The following ASPRV1 variants were observed in gnomAD, a reference collection of about 807,000 sequenced individuals.
The protein encoded by ASPRV1 is retroviral-like aspartic protease 1.
A neutral mutation model predicts 11.0 loss-of-function variants in ASPRV1; 7 were observed. The ratio of observed to expected loss-of-function variants is 0.64; its 90% confidence interval spans 0.36 to 1.20. ASPRV1 has a LOEUF of 1.20. Ranked by LOEUF, ASPRV1 falls within the 50% of genes most tolerant of loss-of-function variation. The pLI is 0.02. For synonymous variants in ASPRV1, 136 were observed against 138.4 expected (o/e 0.98, Z 0.12); for missense variants, 299 against 320.0 (o/e 0.93, Z 0.50).
At chr2:70,086,297 G>C in the ASPRV1 span, 8 of 152,198 alleles carry the variant, frequency 5.3e-5, no homozygotes, top group African/African-American at 1.7e-4. Context: ...GCCGCCCCAA[G>C]GGTAAGGAAC....
the ASPRV1 span, among the ~76,000 whole-genome samples, chr2:70,026,571 A>G: frequency 6.6e-6 from 1 of 152,042 alleles, no homozygotes; most frequent in Non-Finnish European, 1.5e-5. Flanking sequence ...AGAATCACAA[A>G]ACAAAATCAA....
At chr2:70,083,229 A>T in the ASPRV1 span, among the ~76,000 whole-genome samples, 1 of 152,224 alleles carries the variant, frequency 6.6e-6, no homozygotes, top group East Asian at 1.9e-4. Flanking sequence ...GGAAAGGTGT[A>T]ATCCATAACT....
chr2:69,987,110 C>T, the ASPRV1 span, among the ~76,000 whole-genome samples: 2 of 152,036 alleles, frequency 1.3e-5, no homozygotes, highest in East Asian at 3.9e-4. Flanking sequence ...ACAGCCGGAA[C>T]GAAGATGCAG....
the ASPRV1 span, among the ~76,000 whole-genome samples, chr2:70,061,098 T>A: frequency 6.6e-6 from 1 of 151,174 alleles, no homozygotes; most frequent in Admixed American, 6.6e-5. Flanking sequence ...TACTTGACAA[T>A]TAAAGGCAAA....
chr2:70,086,691 G>A, the ASPRV1 span, among the ~76,000 whole-genome samples: 1 of 152,256 alleles, frequency 6.6e-6, no homozygotes, highest in Non-Finnish European at 1.5e-5. Flanking sequence ...AAAGGGTGCC[G>A]CGGTGGAAAC....
chr2:70,032,972 C>A, the ASPRV1 span, among the ~76,000 whole-genome samples: 1 of 152,152 alleles, frequency 6.6e-6, no homozygotes, highest in African/African-American at 2.4e-5. Context: ...CTGTTAAACA[C>A]TGTATGAGTT....
chr2:69,945,008 G>A, the ASPRV1 span, among the ~76,000 whole-genome samples: 7 of 152,026 alleles, frequency 4.6e-5, no homozygotes, highest in African/African-American at 1.2e-4. Context: ...TCACCTCTTC[G>A]ATGTCACTAT....
At chr2:70,047,123 T>C in the ASPRV1 span, among the ~76,000 whole-genome samples, 3 of 152,192 alleles carry the variant, frequency 2.0e-5, no homozygotes, top group Admixed American at 1.3e-4. Context: ...CTTGAGGTGT[T>C]AGTAAGCATC....
the ASPRV1 span, among the ~76,000 whole-genome samples, chr2:70,066,755 C>A: frequency 5.9e-5 from 9 of 151,978 alleles, no homozygotes; most frequent in Non-Finnish European, 8.8e-5. Flanking sequence ...TCACCAGCAC[C>A]ACACTTGGCT....
the ASPRV1 span, chr2:70,000,708 GAGCC>G: frequency 7.1e-6 from 1 of 140,364 alleles, no homozygotes; most frequent in African/African-American, 2.7e-5. Context: ...GGGATCACCT[GAGCC>G]CAGGAGGTTG....
chr2:70,076,633 A>C, the ASPRV1 span, among the ~76,000 whole-genome samples: 1 of 152,232 alleles, frequency 6.6e-6, no homozygotes, highest in African/African-American at 2.4e-5. Flanking sequence ...TTAGCCTACC[A>C]AACATCATAG....
At chr2:70,044,265 G>A in the ASPRV1 span, among the ~76,000 whole-genome samples, 1 of 152,102 alleles carries the variant, frequency 6.6e-6, no homozygotes, top group South Asian at 2.1e-4. Context: ...AACAGCTAGG[G>A]CAAGTTTTTG....
At chr2:70,054,301 A>ATAAATAAATAAATAAATAAT in the ASPRV1 span, 12 of 128,184 alleles carry the variant, frequency 9.4e-5, no homozygotes, top group East Asian at 4.8e-4. Flanking sequence ...CAAAAAATAA[A>ATAAATAAATAAATAAATAAT]AAATAGGTGG....
the ASPRV1 span, among the ~76,000 whole-genome samples, chr2:70,079,271 G>A: frequency 0.024 from 3,692 of 151,784 alleles, 344 homozygotes; most frequent in Admixed American, 0.17. Flanking sequence ...AGTCTTGATC[G>A]AATCCAGCCT....
chr2:70,057,587 T>C, the ASPRV1 span, among the ~76,000 whole-genome samples: 1 of 151,968 alleles, frequency 6.6e-6, no homozygotes, highest in African/African-American at 2.4e-5. Context: ...CCAGCAATTC[T>C]CTTGCTTCAG....
the ASPRV1 span, among the ~76,000 whole-genome samples, chr2:70,062,247 G>A: frequency 2.6e-5 from 4 of 152,090 alleles, no homozygotes; most frequent in Non-Finnish European, 4.4e-5. Context: ...AGAGATTGCA[G>A]TGAGCCAAGA....
the ASPRV1 span, among the ~76,000 whole-genome samples, chr2:69,944,048 G>T: frequency 6.6e-6 from 1 of 152,142 alleles, no homozygotes; most frequent in Admixed American, 6.5e-5. Context: ...AAAGAGTAGG[G>T]GTGGCAGCTG....
At chr2:69,953,978 A>G in the ASPRV1 span, among the ~76,000 whole-genome samples, 1 of 151,514 alleles carries the variant, frequency 6.6e-6, no homozygotes. Context: ...TCTGCCTCCC[A>G]AAGTGTTGGG....
the ASPRV1 span, among the ~76,000 whole-genome samples, chr2:70,079,082 C>T: frequency 0.011 from 1,629 of 152,160 alleles, 30 homozygotes; most frequent in African/African-American, 0.037. Context: ...ATGGGGAGGA[C>T]CTTCCAGAGA....
Sources: gnomAD v4.1 joint callset for allele counts (sites outside exome capture counted in the v4.1 genomes callset) on GRCh38, gnomAD v4.1.1 for gene constraint, MANE v1.5 for transcripts, NCBI Gene and HGNC (gene_info 2026-07-23, HGNC 2026-07-21) for gene names.